CYP27A1: variants seen among roughly 807,000 people sequenced by gnomAD.
The protein encoded by CYP27A1 is sterol 26-hydroxylase, mitochondrial.
In CYP27A1, 46 loss-of-function variants were observed where a neutral mutation model predicts 58.2. The observed-to-expected ratio is 0.79, with a 90% CI of 0.62 to 1.01. The LOEUF (loss-of-function observed/expected upper bound fraction) is 1.01, where lower values mean the gene tolerates loss of function less well. Ranked by LOEUF, CYP27A1 falls within the 50% of genes least tolerant of loss-of-function variation. The pLI is 0.00. For missense variants in CYP27A1, 704 were observed against 687.0 expected, an observed-to-expected ratio of 1.02 and a Z score of -0.28; for synonymous variants, 274 against 285.1, an observed-to-expected ratio of 0.96 and a Z score of 0.39.
chr2:218,796,361 G>A (rs547707673), intron 1 of CYP27A1, among the ~76,000 whole-genome samples: 14 of 152,318 alleles, frequency 9.2e-5, no homozygotes, highest in Non-Finnish European at 1.8e-4. Flanking sequence ...GGGGGGCTGA[G>A]GCGGATGGAT....
Position 218,814,520 on chromosome 2 carries a change from C to T in CYP27A1, c.1264-25C>T, listed in dbSNP as rs747135158. On this transcript the variant is annotated intron_variant, in intron 7 of 8. Coordinates refer to ENST00000258415, the MANE Select transcript of CYP27A1 (RefSeq NM_000784.4). ...CCCTATGCCCCCGAAGAGAGGCATT[C>T]ATGCTGCCCAATCTTCCTTTATAGA... is the stretch of plus-strand genomic sequence containing the variant. 12 of 1,613,280 alleles carry T rather than the reference C, an allele frequency of 7.4e-6. No individual in the cohort carries two copies. In the South Asian group the frequency reaches 1.2e-4, roughly 16 times the overall value.
chr2:218,807,422 C>T (rs182512839), intron 1 of CYP27A1, among the ~76,000 whole-genome samples: 2 of 152,138 alleles, frequency 1.3e-5, no homozygotes. Context: ...AGCAAGGATT[C>T]CCTGCCTTCT....
At chr2:218,790,127 G>A (rs1279266296) in intron 1 of CYP27A1, among the ~76,000 whole-genome samples, 1 of 152,108 alleles carries the variant, frequency 6.6e-6, no homozygotes, top group Non-Finnish European at 1.5e-5. Flanking sequence ...TCTTACTTAG[G>A]TAAGAGTATG....
chr2:218,814,939 C>G lies in CYP27A1; in HGVS notation c.1505C>G (p.Ala502Gly). The G allele has an allele frequency of 6.2e-7, 1 of 1,614,204 alleles. No individual in the cohort carries two copies. The highest frequency in any genetic ancestry group is 8.5e-7 in the Non-Finnish European group (1 of 1,180,030). ...RLIQKYKVVL[A>G]PETGELKSVA... ...ATCCAGAAGTACAAGGTGGTCCTGG[C>G]CCCGGAGACGGGGGAGTTGAAGAGT... The change falls in exon 9 of 9, where the codon GCC becomes GGC. Residue 502 changes from alanine to glycine, a missense_variant. By Grantham distance (60) the Ala-to-Gly change is moderately conservative. Coordinates refer to ENST00000258415, the MANE Select transcript of CYP27A1 (RefSeq NM_000784.4).
rs374507635 is a variant in CYP27A1, at chr2:218,815,007, C to A, written c.1573C>A (p.Gln525Lys). The A allele has an allele frequency of 3.1e-6, 5 of 1,614,206 alleles. No homozygotes were observed. Among genetic ancestry groups the A allele is most frequent in the Non-Finnish European group, 4.2e-6 (5 of 1,180,016 alleles). ...GGTTCCCAATAAGAAAGTGGGCCTG[C>A]AGTTCCTGCAGAGACAGTGCTGAGC... is the stretch of plus-strand genomic sequence containing the variant. ...VLVPNKKVGL[Q>K]FLQRQC The change falls in exon 9 of 9, where the codon CAG becomes AAG. Residue 525 changes from glutamine (Q) to lysine (K), a missense_variant. Gln to Lys is a moderately conservative substitution (Grantham distance 53). Transcript: ENST00000258415.
intron 1 of CYP27A1, among the ~76,000 whole-genome samples, chr2:218,786,893 C>T (rs1015235052): frequency 2.9e-4 from 44 of 151,984 alleles, no homozygotes; most frequent in African/African-American, 1.0e-3. Flanking sequence ...CTCCTGGGCT[C>T]CAGCTGTCCT....
intron 1 of CYP27A1, among the ~76,000 whole-genome samples, chr2:218,805,150 C>T (rs1943638296): frequency 6.6e-6 from 1 of 152,164 alleles, no homozygotes; most frequent in African/African-American, 2.4e-5. Flanking sequence ...ACATTCAGTC[C>T]AAAACAGAGG....
intron 1 of CYP27A1, among the ~76,000 whole-genome samples, chr2:218,791,646 G>A (rs578075337): frequency 2.0e-5 from 3 of 152,128 alleles, no homozygotes; most frequent in Non-Finnish European, 4.4e-5. Context: ...GTATGTGGAG[G>A]GACCCTTCTG....
At position 218,815,059 on chromosome 2, in the gene CYP27A1, C is replaced by A. The variant is rs376723380; in HGVS notation, c.*29C>A. On this transcript the variant is annotated 3_prime_UTR_variant, in exon 9 of 9. Transcript: ENST00000258415. ...GAGTCTCCGCCTTGCTGGGGCTTGTCCTAGAGGCTCCAGCTCTGGCACAGT... is the reference window on the plus strand; with the variant it reads ...GAGTCTCCGCCTTGCTGGGGCTTGTACTAGAGGCTCCAGCTCTGGCACAGT... The A allele has an allele frequency of 6.2e-7, 1 of 1,613,726 alleles. No individual in the cohort carries two copies. The highest frequency in any genetic ancestry group is 1.3e-5 in the African/African-American group (1 of 74,930).
chr2:218,811,311 G>A (rs765537204), intron 2 of CYP27A1, among the ~76,000 whole-genome samples: 101 of 152,262 alleles, frequency 6.6e-4, no homozygotes, highest in Middle Eastern at 6.8e-3. Context: ...TTATCCAGGA[G>A]CATGCAAATA....
intron 2 of CYP27A1, among the ~76,000 whole-genome samples, chr2:218,811,696 C>T (rs181843154): frequency 4.0e-4 from 61 of 152,304 alleles, no homozygotes; most frequent in African/African-American, 1.1e-3. Context: ...CTGAGCACTC[C>T]GGGAACCCTA....
At chr2:218,783,011 C>A (rs1453103922) in intron 1 of CYP27A1, among the ~76,000 whole-genome samples, 1 of 152,038 alleles carries the variant, frequency 6.6e-6, no homozygotes, top group Admixed American at 6.6e-5. Flanking sequence ...AATCTCAGCA[C>A]CTTGGGAGGC....
At chr2:218,808,474 C>CA (rs1943673363) in intron 1 of CYP27A1, among the ~76,000 whole-genome samples, 2 of 152,122 alleles carry the variant, frequency 1.3e-5, no homozygotes, top group African/African-American at 4.8e-5. Context: ...TTTTTAACAC[C>CA]AAAACTAAGA....
chr2:218,810,874 G>A (rs1255959380), intron 2 of CYP27A1, among the ~76,000 whole-genome samples: 2 of 152,174 alleles, frequency 1.3e-5, no homozygotes, highest in South Asian at 4.1e-4. Flanking sequence ...TTGACTGGGT[G>A]CGGTGGCTCA....
intron 1 of CYP27A1, among the ~76,000 whole-genome samples, chr2:218,796,127 T>C (rs1157390541): frequency 6.7e-6 from 1 of 149,912 alleles, no homozygotes; most frequent in African/African-American, 2.5e-5. Flanking sequence ...AAGGCCAGTT[T>C]CTTTTCCAAA....
intron 1 of CYP27A1, among the ~76,000 whole-genome samples, chr2:218,797,964 T>C (rs1432730139): frequency 1.3e-5 from 2 of 152,224 alleles, no homozygotes; most frequent in African/African-American, 4.8e-5. Flanking sequence ...TTTAAAACAA[T>C]CTTTTAACCC....
At position 218,787,754 on chromosome 2, in the gene CYP27A1, C is replaced by T. The variant is rs1158534588; in HGVS notation, c.255+5317C>T. 1.3e-5 allele frequency among the ~76,000 whole-genome samples: 2 copies of T among 152,194 alleles called. 1 individual carries two copies. The highest frequency in any genetic ancestry group is 2.9e-5 in the Non-Finnish European group (2 of 68,036). On this transcript the variant is annotated intron_variant, in intron 1 of 8. Transcript: ENST00000258415. ...CAAGAAGGTCCTAACCAGATACAGT[C>T]CCCTCAACTTTGGACCTTCCAGCCT...
intron 1 of CYP27A1, among the ~76,000 whole-genome samples, chr2:218,809,164 A>G (rs1943682571): frequency 6.7e-6 from 1 of 149,910 alleles, no homozygotes; most frequent in East Asian, 1.9e-4. Flanking sequence ...AAGCTGCAGT[A>G]GATTTAAATA....
intron 1 of CYP27A1, among the ~76,000 whole-genome samples, chr2:218,803,145 A>T (rs1433211135): frequency 6.6e-6 from 1 of 152,140 alleles, no homozygotes; most frequent in Non-Finnish European, 1.5e-5. Flanking sequence ...GGGTTTTGCC[A>T]TATTGGCCAG....
Sources: allele counts gnomAD v4.1 joint callset (sites outside exome capture counted in the v4.1 genomes callset), GRCh38; gene constraint gnomAD v4.1.1; transcripts MANE v1.5; gene names NCBI Gene and HGNC (gene_info 2026-07-23, HGNC 2026-07-21).